Variants in CNTNAP3 observed in about 807,000 individuals in gnomAD.
CNTNAP3 encodes the protein contactin associated protein family member 3.
Under a neutral mutation model 92.1 loss-of-function variants are expected in CNTNAP3, and 36 were observed. The observed-to-expected ratio is 0.39, with a 90% CI of 0.30 to 0.52. The LOEUF (loss-of-function observed/expected upper bound fraction) is 0.52. Ranked by LOEUF, CNTNAP3 falls within the 20% of genes least tolerant of loss-of-function variation. The pLI, the probability that CNTNAP3 is intolerant of heterozygous loss-of-function variation, is 0.76. For synonymous variants in CNTNAP3, 232 were observed against 422.3 expected (o/e 0.55, Z 5.53); for missense variants, 534 against 1,069.6 (o/e 0.50, Z 6.98).
intron 13 of CNTNAP3, among the ~76,000 whole-genome samples, chr9:39,132,174 G>C (rs1052759765): frequency 2.0e-5 from 3 of 151,984 alleles, no homozygotes; most frequent in African/African-American, 7.3e-5. Flanking sequence ...AAAAAAGAAA[G>C]GCAAATTTCA....
Position 39,127,996 on chromosome 9 carries a change from G to A in CNTNAP3, c.2080+4936C>T, listed in dbSNP as rs2315713. 1.6e-4 allele frequency among the ~76,000 whole-genome samples: 24 copies of A among 152,066 alleles called. No homozygotes were observed. In the East Asian group the frequency reaches 3.7e-3, roughly 23 times the overall value. On this transcript the variant is annotated intron_variant, in intron 13 of 23. Transcript: ENST00000297668. The stretch of plus-strand genomic sequence containing the variant: ...TGGGATTATAGGTGTGCGCCACCAC[G>A]CCCAACTAATTTTTGTATTTTTAGT...
chr9:39,151,035 G>GA (rs1405084971), intron 9 of CNTNAP3, among the ~76,000 whole-genome samples: 1 of 147,662 alleles, frequency 6.8e-6, no homozygotes, highest in Non-Finnish European at 1.5e-5. Flanking sequence ...GGAAAAGGAT[G>GA]AAAGTACACA....
intron 13 of CNTNAP3, among the ~76,000 whole-genome samples, chr9:39,126,305 T>A (rs1460300591): frequency 5.9e-5 from 9 of 152,144 alleles, no homozygotes; most frequent in African/African-American, 2.2e-4. Context: ...AAGCCAGTAA[T>A]TAATAACCTT....
chr9:39,118,648 A>G (rs1220216226), intron 13 of CNTNAP3, among the ~76,000 whole-genome samples: 2 of 152,232 alleles, frequency 1.3e-5, no homozygotes, highest in Non-Finnish European at 2.9e-5. Context: ...TTAATATTAT[A>G]CAAAGACATT....
chr9:39,084,744 T>C (rs929647351), intron 21 of CNTNAP3, among the ~76,000 whole-genome samples: 29 of 152,130 alleles, frequency 1.9e-4, no homozygotes, highest in African/African-American at 6.5e-4. Context: ...AAAAAATGTA[T>C]AGCAGAACCA....
At chr9:39,177,767 A>AT (rs1285890589) in intron 5 of CNTNAP3, among the ~76,000 whole-genome samples, 2 of 40,072 alleles carry the variant, frequency 5.0e-5, no homozygotes, top group Non-Finnish European at 8.2e-5. Context: ...GAACCTCATT[A>AT]TCAGCATTAT....
chr9:39,100,305 T>A, intron 17 of CNTNAP3, 155 bp from the exon 18 acceptor site: 1 of 1,512,226 alleles, frequency 6.6e-7, no homozygotes, highest in Non-Finnish European at 8.9e-7. Flanking sequence ...GTAACTGTTA[T>A]GAGACATGAA....
chr9:39,119,800 A>T (rs987549119), intron 13 of CNTNAP3, among the ~76,000 whole-genome samples: 1 of 152,182 alleles, frequency 6.6e-6, no homozygotes, highest in East Asian at 1.9e-4. Context: ...TTAGGACCCC[A>T]GGACTGGAAG....
intron 18 of CNTNAP3, among the ~76,000 whole-genome samples, chr9:39,093,239 C>A (rs1826250060): frequency 7.4e-6 from 1 of 134,518 alleles, no homozygotes; most frequent in South Asian, 2.6e-4. Flanking sequence ...TTTACATCTG[C>A]CATTTTCTTT....
intron 11 of CNTNAP3, among the ~76,000 whole-genome samples, chr9:39,141,365 T>C (rs1821571318): frequency 6.6e-6 from 1 of 152,178 alleles, no homozygotes; most frequent in Non-Finnish European, 1.5e-5. Context: ...ACAATATGAA[T>C]GAGCATTTTA....
At chr9:39,135,047 T>G (rs1190329571) in intron 12 of CNTNAP3, among the ~76,000 whole-genome samples, 5 of 152,122 alleles carry the variant, frequency 3.3e-5, no homozygotes, top group Non-Finnish European at 5.9e-5. Flanking sequence ...GTAAAACTTG[T>G]TTTTCTGAAG....
chr9:39,074,605 A>G lies in CNTNAP3; in HGVS notation c.3746-594T>C, dbSNP rs983066457. 1.3e-3 allele frequency among the ~76,000 whole-genome samples: 202 copies of G among 152,052 alleles called. 1 individual carries two copies. Among genetic ancestry groups the G allele is most frequent in the Non-Finnish European group, 2.2e-3 (150 of 68,004 alleles). On this transcript the variant is annotated intron_variant, in intron 23 of 23. Coordinates refer to ENST00000297668, the MANE Select transcript of CNTNAP3 (RefSeq NM_033655.5). ...CAGATTTAAAAGAATAGAGACATAC[A>G]TGTCTCTAAGACCGCGTACATCCTT...
intron 10 of CNTNAP3, among the ~76,000 whole-genome samples, chr9:39,144,969 G>C (rs1821664838): frequency 6.7e-6 from 1 of 148,896 alleles, no homozygotes; most frequent in Admixed American, 6.6e-5. Flanking sequence ...TTTTTTTGCA[G>C]AAAACAAAAA....
At chr9:39,120,437 G>A (rs12001874) in intron 13 of CNTNAP3, among the ~76,000 whole-genome samples, 30,161 of 152,130 alleles carry the variant, frequency 0.2, 4,753 homozygotes, top group African/African-American at 0.44. Context: ...CACTTTCGGA[G>A]GCCGAGGTGG....
rs561642347 is a variant in CNTNAP3 at position 39,107,051 on chromosome 9, A to G, written c.2365+2109T>C. On this transcript the variant is annotated intron_variant, in intron 15 of 23. Transcript: ENST00000297668. ...TTGCAGTTCAGAAGGGACAAGAAGTATGTGTCTGATTGTGAAGAGATGAAT... is the reference window on the plus strand; with the variant it reads ...TTGCAGTTCAGAAGGGACAAGAAGTGTGTGTCTGATTGTGAAGAGATGAAT... Among the ~76,000 whole-genome samples the G allele has an allele frequency of 2.6e-3, 395 of 152,218 alleles. 2 individuals carry two copies. The highest frequency in any genetic ancestry group is 9.1e-3 in the African/African-American group (378 of 41,532).
intron 10 of CNTNAP3, among the ~76,000 whole-genome samples, chr9:39,147,503 C>T (rs1237365776): frequency 6.6e-6 from 1 of 152,132 alleles, no homozygotes; most frequent in Non-Finnish European, 1.5e-5. Context: ...TAGTCTTCTA[C>T]GTTACTGACT....
chr9:39,154,835 G>A lies in CNTNAP3; in HGVS notation c.1478-4858C>T, dbSNP rs572077332. The A allele has an allele frequency of 2.2e-4, 46 of 209,274 alleles. 1 individual carries two copies. Among genetic ancestry groups the A allele is most frequent in the Non-Finnish European group, 3.8e-4 (39 of 103,242 alleles). 13.0% of individuals were successfully genotyped at this position (209,274 alleles called of 1,614,324 possible). On this transcript the variant is annotated intron_variant, in intron 9 of 23. Coordinates refer to ENST00000297668, the MANE Select transcript of CNTNAP3 (RefSeq NM_033655.5). ...CGGCTTCCGGGAAGGCCGGGGCCTC[G>A]GGGAGCACCTGCAGGGGCTGCGAGA...
intron 11 of CNTNAP3, among the ~76,000 whole-genome samples, chr9:39,143,382 G>C (rs1030261916): frequency 2.6e-5 from 4 of 152,122 alleles, no homozygotes; most frequent in African/African-American, 9.7e-5. Context: ...ACTTGCAACA[G>C]GCTCCCAGGG....
At position 39,095,915 on chromosome 9, in the gene CNTNAP3, A is replaced by T. The variant is rs191458013; in HGVS notation, c.2995+3996T>A. Among the ~76,000 whole-genome samples the T allele has an allele frequency of 6.7e-3, 1,021 of 151,452 alleles. 2 individuals carry two copies. The highest frequency in any genetic ancestry group is 0.018 in the African/African-American group (737 of 41,390). On this transcript the variant is annotated intron_variant, in intron 18 of 23. Transcript: ENST00000297668. ...ATTTTATATAATTTGTTCTCTTTTT[A>T]AAAAATCTGAGAAAAAAAAAGATCA...
Sources: gnomAD v4.1 joint callset for allele counts (sites outside exome capture counted in the v4.1 genomes callset) on GRCh38, gnomAD v4.1.1 for gene constraint, MANE v1.5 for transcripts, NCBI Gene and HGNC (gene_info 2026-07-23, HGNC 2026-07-21) for gene names.